AKR1C8: variants seen among roughly 807,000 people sequenced by gnomAD.
AKR1C8 encodes the protein aldo-keto reductase family 1 member C-like protein 1.
the AKR1C8 span, among the ~76,000 whole-genome samples, chr10:5,128,904 T>C: frequency 2.6e-5 from 4 of 151,998 alleles, no homozygotes; most frequent in Admixed American, 6.6e-5. Flanking sequence ...TAGGAAACAA[T>C]GGATTTAACA....
At chr10:5,180,965 TTGGCTCATGCAC>T in the AKR1C8 span, among the ~76,000 whole-genome samples, 1 of 152,190 alleles carries the variant, frequency 6.6e-6, no homozygotes, top group African/African-American at 2.4e-5. Flanking sequence ...TCGCCCTGCT[TTGGCTCATGCAC>T]AGTGCACTGC....
chr10:5,135,802 A>T, the AKR1C8 span, among the ~76,000 whole-genome samples: 2 of 152,182 alleles, frequency 1.3e-5, no homozygotes, highest in African/African-American at 2.4e-5. Context: ...AACAGGTGAC[A>T]ATAAAAAAGT....
chr10:5,174,967 T>C, the AKR1C8 span, among the ~76,000 whole-genome samples: 1 of 152,092 alleles, frequency 6.6e-6, no homozygotes, highest in Non-Finnish European at 1.5e-5. Context: ...CAAGGTTTTC[T>C]TTATTTTGTT....
the AKR1C8 span, among the ~76,000 whole-genome samples, chr10:5,145,222 A>G: frequency 3.3e-5 from 5 of 152,188 alleles, no homozygotes; most frequent in Non-Finnish European, 7.3e-5. Context: ...CTTAAACGTT[A>G]GACCTAAAAC....
chr10:5,159,838 G>T, the AKR1C8 span: 1 of 482,334 alleles, frequency 2.1e-6, no homozygotes, highest in South Asian at 1.5e-5. Context: ...GGAAGTGTGT[G>T]AACAGCAAAA....
chr10:5,127,615 A>G, the AKR1C8 span, among the ~76,000 whole-genome samples: 1 of 151,458 alleles, frequency 6.6e-6, no homozygotes, highest in Non-Finnish European at 1.5e-5. Context: ...GCTACTCAGG[A>G]GCCTGAGTCA....
At chr10:5,140,371 A>G in the AKR1C8 span, among the ~76,000 whole-genome samples, 2 of 152,158 alleles carry the variant, frequency 1.3e-5, no homozygotes, top group Non-Finnish European at 2.9e-5. Flanking sequence ...AGCACTATTC[A>G]CAATAGCAAA....
the AKR1C8 span, among the ~76,000 whole-genome samples, chr10:5,176,167 A>G: frequency 2.0e-5 from 3 of 151,126 alleles, no homozygotes; most frequent in East Asian, 5.8e-4. Flanking sequence ...AGGTGTAAGG[A>G]AAGGATCCAG....
At chr10:5,126,318 TCA>T in the AKR1C8 span, among the ~76,000 whole-genome samples, 2 of 152,114 alleles carry the variant, frequency 1.3e-5, no homozygotes, top group African/African-American at 4.8e-5. Context: ...TGAGAGGCAG[TCA>T]CAATTTCTCC....
the AKR1C8 span, among the ~76,000 whole-genome samples, chr10:5,132,343 C>T: frequency 0.39 from 59,604 of 151,956 alleles, 12,496 homozygotes; most frequent in Non-Finnish European, 0.43. Context: ...AAAAAATGAG[C>T]GCATAAAAAA....
At chr10:5,133,215 G>A in the AKR1C8 span, among the ~76,000 whole-genome samples, 9 of 151,806 alleles carry the variant, frequency 5.9e-5, no homozygotes, top group East Asian at 1.9e-4. Flanking sequence ...TCTCACCTCC[G>A]TCTCCCCAAA....
At chr10:5,176,478 T>G in the AKR1C8 span, among the ~76,000 whole-genome samples, 1 of 150,424 alleles carries the variant, frequency 6.6e-6, no homozygotes, top group South Asian at 2.1e-4. Flanking sequence ...TTTGGTTCCA[T>G]ACGAACTTTA....
At chr10:5,118,908 A>G in the AKR1C8 span, among the ~76,000 whole-genome samples, 1 of 148,834 alleles carries the variant, frequency 6.7e-6, no homozygotes, top group African/African-American at 2.5e-5. Flanking sequence ...CTATCTCTAT[A>G]TGCCAACACT....
the AKR1C8 span, among the ~76,000 whole-genome samples, chr10:5,160,377 T>TG: frequency 6.7e-6 from 1 of 148,820 alleles, no homozygotes; most frequent in Non-Finnish European, 1.5e-5. Context: ...TGTTCTAGAA[T>TG]GGGAAAAAAA....
chr10:5,167,774 A>G, the AKR1C8 span, among the ~76,000 whole-genome samples: 5 of 106,548 alleles, frequency 4.7e-5, no homozygotes, highest in Admixed American at 3.5e-4. Context: ...AAACTTAAGT[A>G]TAACAAAAAA....
chr10:5,118,277 A>G, the AKR1C8 span, among the ~76,000 whole-genome samples: 4 of 152,332 alleles, frequency 2.6e-5, no homozygotes, highest in South Asian at 2.1e-4. Flanking sequence ...GGAAATCAGA[A>G]TTCCAGCAAA....
the AKR1C8 span, among the ~76,000 whole-genome samples, chr10:5,172,254 C>T: frequency 6.6e-6 from 1 of 152,042 alleles, no homozygotes. Context: ...TTTCCATGAC[C>T]TTCACAGTCA....
chr10:5,165,787 C>T, the AKR1C8 span, among the ~76,000 whole-genome samples: 3 of 152,254 alleles, frequency 2.0e-5, no homozygotes, highest in Admixed American at 2.0e-4. Flanking sequence ...ATTAAAGGGT[C>T]TTACCCAAAT....
chr10:5,116,863 A>G, the AKR1C8 span, among the ~76,000 whole-genome samples: 3 of 152,144 alleles, frequency 2.0e-5, no homozygotes, highest in African/African-American at 7.2e-5. Context: ...GTAATTCTTG[A>G]TCACTGGAAA....
Sources: allele counts gnomAD v4.1 joint callset (sites outside exome capture counted in the v4.1 genomes callset), GRCh38; gene constraint gnomAD v4.1.1; transcripts MANE v1.5; gene names NCBI Gene and HGNC (gene_info 2026-07-23, HGNC 2026-07-21).